The following AGAP1 variants were observed in gnomAD, a reference collection of about 807,000 sequenced individuals.
AGAP1 encodes the protein arf-GAP with GTPase, ANK repeat and PH domain-containing protein 1.
A neutral mutation model predicts 105.3 loss-of-function variants in AGAP1; 29 were observed. That is an observed-to-expected ratio of 0.28 (90% confidence interval 0.21 to 0.38). The LOEUF is 0.38. AGAP1 is among the 10% of genes least tolerant of loss of function. The pLI, the probability that AGAP1 is intolerant of heterozygous loss-of-function variation, is 1.00. For missense variants in AGAP1, 998 were observed against 1,165.1 expected, an observed-to-expected ratio of 0.86 and a Z score of 2.09; for synonymous variants, 509 against 485.9, an observed-to-expected ratio of 1.05 and a Z score of -0.63.
chr2:235,647,332 A>G (rs983283101), intron 1 of AGAP1, among the ~76,000 whole-genome samples: 6 of 152,164 alleles, frequency 3.9e-5, no homozygotes, highest in African/African-American at 1.4e-4. Context: ...ACTGTCTCAG[A>G]TCAGATTGAA....
chr2:235,938,374 C>T lies in AGAP1; in HGVS notation c.1483+7451C>T, dbSNP rs530821336. Among the ~76,000 whole-genome samples the T allele has an allele frequency of 3.9e-5, 6 of 152,342 alleles. No individual in the cohort carries two copies. In the South Asian group the frequency reaches 1.2e-3, roughly 32 times the overall value. On this transcript the variant is annotated intron_variant, in intron 12 of 17. Coordinates refer to ENST00000304032, the MANE Select transcript of AGAP1 (RefSeq NM_001037131.3). ...AGCTGTTCTCCTGCCCACCCGACCGCCTCCAAGAACGCTGGGTGCGCAGCG... is the reference window on the plus strand; with the variant it reads ...AGCTGTTCTCCTGCCCACCCGACCGTCTCCAAGAACGCTGGGTGCGCAGCG...
chr2:235,774,207 G>A (rs879157873), intron 6 of AGAP1: 6 of 391,466 alleles, frequency 1.5e-5, no homozygotes, highest in African/African-American at 6.4e-5. Flanking sequence ...GTAAAGTATG[G>A]CACATCTATA....
chr2:235,930,898 C>A lies in AGAP1; in HGVS notation c.1458C>A (p.Val486=), dbSNP rs547611136. ...SSADQWSEAT[V]IANSAISSDT... ...CCGACCAGTGGAGTGAGGCTACGGT[C>A]ATTGCAAACTCGGCCATCAGCAGTG... The change falls in exon 12 of 18, where the codon GTC becomes GTA. Residue 486 remains valine (V), a synonymous_variant. Coordinates refer to ENST00000304032, the MANE Select transcript of AGAP1 (RefSeq NM_001037131.3). The surrounding 1 kb of genome is among the most constrained non-coding windows in gnomAD (Gnocchi z 7.9). 3 of 1,613,906 alleles carry A rather than the reference C, an allele frequency of 1.9e-6. No homozygotes were observed. The South Asian group carries it at 3.3e-5, about 18-fold the overall frequency.
intron 9 of AGAP1, among the ~76,000 whole-genome samples, chr2:235,870,983 A>G (rs1436637774): frequency 6.6e-6 from 1 of 152,234 alleles, no homozygotes; most frequent in Non-Finnish European, 1.5e-5. Context: ...AATCTGTTCC[A>G]TTAAACAAAA....
chr2:235,712,267 C>T lies in AGAP1; in HGVS notation c.222+3030C>T, dbSNP rs183171301. ...ACTCCTGACCTCGTCATCCGCCTGC[C>T]TTGGCCTCCCAAAGTGCTGGGATGA... On this transcript the variant is annotated intron_variant, in intron 2 of 17. Transcript: ENST00000304032. This position sits in a 1 kb window ranked among gnomAD's most constrained non-coding sequence, Gnocchi z 6.0. Among the ~76,000 whole-genome samples, 300 of 152,350 alleles carry T rather than the reference C, an allele frequency of 2.0e-3. 3 individuals are homozygous for T. The highest frequency in any genetic ancestry group is 5.2e-3 in the Admixed American group (79 of 15,312).
chr2:236,107,888 T>TTAAA (rs2059540487), intron 16 of AGAP1, among the ~76,000 whole-genome samples: 1 of 152,220 alleles, frequency 6.6e-6, no homozygotes, highest in African/African-American at 2.4e-5. Flanking sequence ...TTGACTTTAT[T>TTAAA]TAATTAATAA....
chr2:235,657,162 G>A (rs1011623153), intron 1 of AGAP1, among the ~76,000 whole-genome samples: 2 of 152,146 alleles, frequency 1.3e-5, no homozygotes, highest in African/African-American at 4.8e-5. Context: ...CCTCAGAGAC[G>A]GGAGATCTTG....
intron 1 of AGAP1, among the ~76,000 whole-genome samples, chr2:235,698,271 C>CCCTTT (rs71400782): frequency 0.017 from 2,633 of 151,794 alleles, 70 homozygotes; most frequent in African/African-American, 0.059. Flanking sequence ...GATGAAGCTT[C>CCCTTT]GCTTTGCTTG....
chr2:235,832,783 C>T (rs1275850661), intron 9 of AGAP1, among the ~76,000 whole-genome samples: 1 of 152,180 alleles, frequency 6.6e-6, no homozygotes, highest in Non-Finnish European at 1.5e-5. Flanking sequence ...AAGGGATGTT[C>T]AAACCCACAG....
At chr2:235,853,910 T>A (rs2048578675) in intron 9 of AGAP1, among the ~76,000 whole-genome samples, 1 of 151,924 alleles carries the variant, frequency 6.6e-6, no homozygotes, top group African/African-American at 2.4e-5. Context: ...CATTGCAGAC[T>A]TGTTGTCAGC....
intron 15 of AGAP1, among the ~76,000 whole-genome samples, chr2:236,048,657 C>T (rs189375299): frequency 6.6e-6 from 1 of 152,342 alleles, no homozygotes; most frequent in Admixed American, 6.5e-5. Flanking sequence ...CCAGCTGCCC[C>T]TCAGCACCAC....
chr2:235,651,979 C>G (rs1460876062), intron 1 of AGAP1, among the ~76,000 whole-genome samples: 1 of 152,160 alleles, frequency 6.6e-6, no homozygotes, highest in Non-Finnish European at 1.5e-5. Flanking sequence ...GTATGAAATT[C>G]TTAGGGTTTG....
intron 13 of AGAP1, among the ~76,000 whole-genome samples, chr2:235,978,769 A>T (rs1358417336): frequency 1.3e-5 from 2 of 152,176 alleles, no homozygotes; most frequent in Non-Finnish European, 2.9e-5. Context: ...TCTGCAGCAC[A>T]GCAGGGCCAT....
chr2:235,761,709 G>A (rs1199178952), intron 6 of AGAP1, among the ~76,000 whole-genome samples: 1 of 152,216 alleles, frequency 6.6e-6, no homozygotes, highest in Admixed American at 6.5e-5. Context: ...ATGATCAAAA[G>A]AATAAGAGAA....
intron 6 of AGAP1, among the ~76,000 whole-genome samples, chr2:235,772,486 A>G (rs1285356777): frequency 6.6e-6 from 1 of 152,210 alleles, no homozygotes; most frequent in Non-Finnish European, 1.5e-5. Context: ...GTCAGCTACC[A>G]AGAAGCCAGC....
chr2:235,686,620 GATATATATATATATATATAT>G (rs1194270184), intron 1 of AGAP1, among the ~76,000 whole-genome samples: 2 of 57,242 alleles, frequency 3.5e-5, no homozygotes, highest in Admixed American at 2.4e-4. Flanking sequence ...TGGAGATATA[GATATATATATATATATATAT>G]ATATAGATAT....
At chr2:235,543,352 C>T (rs1364668307) in intron 1 of AGAP1, among the ~76,000 whole-genome samples, 2 of 152,190 alleles carry the variant, frequency 1.3e-5, no homozygotes, top group African/African-American at 4.8e-5. Context: ...GGCTTCCCTG[C>T]CATTCGGTTT....
intron 1 of AGAP1, among the ~76,000 whole-genome samples, chr2:235,543,756 T>C (rs1943531571): frequency 6.6e-6 from 1 of 152,150 alleles, no homozygotes; most frequent in South Asian, 2.1e-4. Flanking sequence ...TGTGCATCTG[T>C]AGGAACAGCA....
At position 235,962,242 on chromosome 2, in the gene AGAP1, T is replaced by C. The variant is rs368669082; in HGVS notation, c.1484-6220T>C. Reference sequence around the variant, plus strand: ...GGGCAGGCCAGAGGCCACTGAGGGGTACACTGACCACACAGAGGAGGCCGG... The same window carrying C: ...GGGCAGGCCAGAGGCCACTGAGGGGCACACTGACCACACAGAGGAGGCCGG... On this transcript the variant is annotated intron_variant, in intron 12 of 17. Coordinates refer to ENST00000304032, the MANE Select transcript of AGAP1 (RefSeq NM_001037131.3). This position sits in a 1 kb window ranked among gnomAD's most constrained non-coding sequence, Gnocchi z 5.3. Among the ~76,000 whole-genome samples, 154 of 151,856 alleles carry C rather than the reference T, an allele frequency of 1.0e-3. 1 individual carries two copies. Among genetic ancestry groups the C allele is most frequent in the African/African-American group, 3.6e-3 (151 of 41,416 alleles).
Sources: allele counts gnomAD v4.1 joint callset (sites outside exome capture counted in the v4.1 genomes callset), GRCh38; gene constraint gnomAD v4.1.1; non-coding constraint Gnocchi (gnomAD v3.1); transcripts MANE v1.5; gene names NCBI Gene and HGNC (gene_info 2026-07-23, HGNC 2026-07-21).